Variants in PRADC1 observed in about 807,000 individuals in gnomAD.
PRADC1 encodes protease associated domain containing 1, also known as protease-associated domain-containing protein 1.
Under a neutral mutation model 22.9 loss-of-function variants are expected in PRADC1, and 23 were observed. That is an observed-to-expected ratio of 1.00 (90% CI 0.72 to 1.42). The LOEUF is 1.42. Among genes scored for constraint, PRADC1 ranks in the 40% most tolerant of loss-of-function variants. PRADC1 has a pLI of 0.00. For missense variants in PRADC1, 207 were observed against 258.3 expected, an observed-to-expected ratio of 0.80 and a Z score of 1.36; for synonymous variants, 71 against 100.3, an observed-to-expected ratio of 0.71 and a Z score of 1.75.
At chr2:73,232,096 G>A (rs2103735824) in intron 1 of PRADC1, among the ~76,000 whole-genome samples, 1 of 152,234 alleles carries the variant, frequency 6.6e-6, no homozygotes, top group Middle Eastern at 3.4e-3. Context: ...AGCACTTTGG[G>A]AGGCCGAGGC....
chr2:73,233,264 T>G, upstream of PRADC1: 4 of 710,578 alleles, frequency 5.6e-6, no homozygotes, highest in Admixed American at 4.2e-5. Context: ...CCCGCCCACA[T>G]ACCCGCTCTC....
chr2:73,231,972 T>TA (rs1231804169), intron 1 of PRADC1, among the ~76,000 whole-genome samples: 23 of 152,188 alleles, frequency 1.5e-4, no homozygotes, highest in Admixed American at 9.8e-4. Context: ...CACCAAAGTT[T>TA]AATGTTGTAC....
chr2:73,231,558 A>G (rs1046300922), intron 1 of PRADC1, among the ~76,000 whole-genome samples: 1 of 152,040 alleles, frequency 6.6e-6, no homozygotes, highest in Non-Finnish European at 1.5e-5. Flanking sequence ...CTGGGACTAC[A>G]GGCGTGCGCC....
chr2:73,232,435 G>T (rs1163210880), intron 1 of PRADC1, among the ~76,000 whole-genome samples: 1 of 152,152 alleles, frequency 6.6e-6, no homozygotes, highest in East Asian at 1.9e-4. Flanking sequence ...TGGCATTAAG[G>T]CTTTAGCTGT....
chr2:73,231,635 A>ATT (rs111879026), intron 1 of PRADC1, among the ~76,000 whole-genome samples: 152 of 143,690 alleles, frequency 1.1e-3, no homozygotes, highest in Non-Finnish European at 1.5e-3. Flanking sequence ...GACCAGGCTG[A>ATT]TTTTTTTTTT....
chr2:73,230,138 G>A lies in PRADC1; in HGVS notation c.143C>T (p.Pro48Leu). The A allele has an allele frequency of 6.2e-7, 1 of 1,613,478 alleles. No individual in the cohort carries two copies. Among genetic ancestry groups the A allele is most frequent in the Middle Eastern group, 1.7e-4 (1 of 5,994 alleles). Reference sequence around the variant, plus strand: ...AAAGATACCACCAAAGTCCTTGGCAGGTGTGGCTGTGAAGATGTATCGAAT... The same window carrying A: ...AAAGATACCACCAAAGTCCTTGGCAAGTGTGGCTGTGAAGATGTATCGAAT... The part of the protein sequence containing the change: ...GDIRYIFTAT[P>L]AKDFGGIFHT... Residue 48 changes from proline (P) to leucine (L), a missense_variant, in exon 2 of 5, where the codon CCT becomes CTT. By Grantham distance (98) the Pro-to-Leu change is moderately conservative. Coordinates refer to ENST00000258083, the MANE Select transcript of PRADC1 (RefSeq NM_032319.3).
In PRADC1 at chr2:73,228,830, A is replaced by G. The variant is rs1401107841; in HGVS notation, c.411T>C (p.Ala137=). 1.2e-6 allele frequency: 2 copies of G among 1,612,864 alleles called. No homozygotes were observed. The highest frequency in any genetic ancestry group is 2.7e-5 in the African/African-American group (2 of 74,912). ...CGAGCAGGAAGAGGGCGGGGATGTC[A>G]GCTGTGCGCTGGGTACTGTCCTGGA... The part of the protein sequence containing the change: ...EMIQDSTQRT[A]DIPALFLLGR... The change falls in exon 4 of 5, where the codon GCT becomes GCC. Residue 137 remains alanine, a synonymous_variant. Transcript: ENST00000258083. This position sits in a 1 kb window ranked among gnomAD's most constrained non-coding sequence, Gnocchi z 4.0.
At chr2:73,230,853 C>A (rs372988479) in intron 1 of PRADC1, among the ~76,000 whole-genome samples, 3 of 152,362 alleles carry the variant, frequency 2.0e-5, no homozygotes, top group African/African-American at 7.2e-5. Flanking sequence ...ATCCTGTGTT[C>A]AAGCTACACT....
intron 1 of PRADC1, among the ~76,000 whole-genome samples, chr2:73,232,323 C>G (rs999461136): frequency 5.6e-5 from 8 of 143,114 alleles, no homozygotes; most frequent in African/African-American, 2.1e-4. Context: ...GGCGACAGAG[C>G]AAGACTCCGT....
chr2:73,230,000 G>T, intron 2 of PRADC1, 113 bp downstream of exon 2: 1 of 746,916 alleles, frequency 1.3e-6, no homozygotes, highest in South Asian at 1.6e-5. Context: ...AGGCAGAGCT[G>T]ATTCTGCTCC....
intron 3 of PRADC1, among the ~76,000 whole-genome samples, chr2:73,229,242 C>T (rs997620530): frequency 6.6e-6 from 1 of 151,978 alleles, no homozygotes; most frequent in Admixed American, 6.6e-5. Context: ...ACCTCAGCCT[C>T]GAGTAGCTGG....
intron 1 of PRADC1, among the ~76,000 whole-genome samples, chr2:73,230,432 A>G (rs560701263): frequency 1.0e-3 from 157 of 152,348 alleles, no homozygotes; most frequent in African/African-American, 3.5e-3. Context: ...GGCTTATATC[A>G]GCTGCTGCTG....
chr2:73,230,621 T>C (rs530310664), intron 1 of PRADC1, among the ~76,000 whole-genome samples: 1 of 152,376 alleles, frequency 6.6e-6, no homozygotes, highest in South Asian at 2.1e-4. Flanking sequence ...CTATCATCTC[T>C]TGTCCTGACA....
At chr2:73,231,108 CT>C (rs1336525322) in intron 1 of PRADC1, among the ~76,000 whole-genome samples, 1 of 152,206 alleles carries the variant, frequency 6.6e-6, no homozygotes, top group Non-Finnish European at 1.5e-5. Context: ...AATTATACAG[CT>C]TTCATAACTT....
rs749300865 is a variant in PRADC1, at chr2:73,228,473, G to A, written c.548C>T (p.Pro183Leu). ...TSIPTFELLQPPWTFW is the reference protein window; with the variant it reads ...TSIPTFELLQLPWTFW Reference sequence around the variant, plus strand: ...ACTCTTCTACCAGAAGGTCCAGGGCGGTTGCAGCAGCTCAAAGGTGGGGAT... The same window carrying A: ...ACTCTTCTACCAGAAGGTCCAGGGCAGTTGCAGCAGCTCAAAGGTGGGGAT... Residue 183 changes from proline (P) to leucine (L), a missense_variant, in exon 5 of 5, where the codon CCG becomes CTG. Coordinates refer to ENST00000258083, the MANE Select transcript of PRADC1 (RefSeq NM_032319.3). This position sits in a 1 kb window ranked among gnomAD's most constrained non-coding sequence, Gnocchi z 4.0. 5.7e-5 allele frequency: 92 copies of A among 1,614,032 alleles called. No individual in the cohort carries two copies. Among genetic ancestry groups the A allele is most frequent in the Admixed American group, 1.0e-4 (6 of 60,006 alleles).
rs1261363460 is a variant in PRADC1 at position 73,229,449 on chromosome 2, C to T, written c.278+12G>A. On this transcript the variant is annotated intron_variant, in intron 3 of 4. Coordinates refer to ENST00000258083, the MANE Select transcript of PRADC1 (RefSeq NM_032319.3). ...CTGCCCACTCCTCGTGTCCTGCCTG[C>T]CCACTCCTTACCCCCTCTCCACCAG... 5.7e-6 allele frequency: 9 copies of T among 1,585,952 alleles called. No homozygotes were observed. Among genetic ancestry groups the T allele is most frequent in the African/African-American group, 1.3e-5 (1 of 74,470 alleles).
At chr2:73,231,500 T>C (rs2103734847) in intron 1 of PRADC1, among the ~76,000 whole-genome samples, 1 of 151,998 alleles carries the variant, frequency 6.6e-6, no homozygotes, top group Admixed American at 6.5e-5. Context: ...CACAGCAACC[T>C]CCACCTCCCA....
chr2:73,229,637 G>T, intron 2 of PRADC1, 67 bp from the exon 3 acceptor site: 1 of 1,218,178 alleles, frequency 8.2e-7, no homozygotes, highest in South Asian at 1.2e-5. Context: ...GGACTGGGCT[G>T]ACAATCCCAT....
chr2:73,231,164 G>T (rs1325701915), intron 1 of PRADC1, among the ~76,000 whole-genome samples: 1 of 152,204 alleles, frequency 6.6e-6, no homozygotes, highest in Non-Finnish European at 1.5e-5. Flanking sequence ...CTGTCACCCA[G>T]GCTGGAGTGC....
Sources: gnomAD v4.1 joint callset for allele counts (sites outside exome capture counted in the v4.1 genomes callset) on GRCh38, gnomAD v4.1.1 for gene constraint, Gnocchi (gnomAD v3.1) non-coding constraint, MANE v1.5 for transcripts, NCBI Gene and HGNC (gene_info 2026-07-23, HGNC 2026-07-21) for gene names.